The following CAPRIN1 variants were observed in gnomAD, a reference collection of about 807,000 sequenced individuals.
CAPRIN1 encodes the protein caprin-1.
CAPRIN1 carries 29 observed loss-of-function variants against 100.9 expected under a neutral mutation model. That is an observed-to-expected ratio of 0.29 (90% CI 0.21 to 0.39). The LOEUF is 0.39. Among genes scored for constraint, CAPRIN1 ranks in the 10% least tolerant of loss-of-function variants. The pLI, the probability that CAPRIN1 is intolerant of heterozygous loss-of-function variation, is 1.00. For synonymous variants in CAPRIN1, 338 were observed against 307.5 expected (o/e 1.10, Z -1.04); for missense variants, 795 against 876.7 (o/e 0.91, Z 1.18).
intron 15 of CAPRIN1, among the ~76,000 whole-genome samples, chr11:34,093,403 C>G (rs1851301632): frequency 1.3e-5 from 2 of 151,994 alleles, no homozygotes; most frequent in Admixed American, 6.6e-5. Context: ...CATGAGCCAC[C>G]ATGATGTCTT....
rs1377099163 is a variant in CAPRIN1 at position 34,079,643 on chromosome 11, A to C, written c.704A>C (p.Glu235Ala). 1.9e-6 allele frequency: 3 copies of C among 1,613,924 alleles called. No individual in the cohort carries two copies. The Admixed American group carries it at 5.0e-5, about 27-fold the overall frequency. The change falls in exon 7 of 19, where the codon GAA becomes GCA. Residue 235 changes from glutamate (E) to alanine (A), a missense_variant. This residue lies in a region of CAPRIN1 where 648 missense variants were observed against 697.9 expected (regional missense o/e 0.93). Transcript: ENST00000341394. ...TTTTTCTTAGATAAAGTTCTAAAGGAAATTGTTGAGCGTGTTTTTCAGTCA... is the reference window on the plus strand; with the variant it reads ...TTTTTCTTAGATAAAGTTCTAAAGGCAATTGTTGAGCGTGTTTTTCAGTCA... The part of the protein sequence containing the change: ...VCGTTYKVLK[E>A]IVERVFQSNY...
chr11:34,097,160 TAAG>T, intron 16 of CAPRIN1, 33 bp from the exon 17 acceptor site: 1 of 1,421,508 alleles, frequency 7.0e-7, no homozygotes, highest in Non-Finnish European at 9.9e-7. Flanking sequence ...CTTGTGAAGA[TAAG>T]AAAATTATTT....
At chr11:34,052,347 C>G in intron 1 of CAPRIN1, 74 bp from the exon 2 acceptor site, 1 of 1,223,612 alleles carries the variant, frequency 8.2e-7, no homozygotes. Flanking sequence ...TCCCGCGTCT[C>G]GCCCCGTCCG....
intron 1 of CAPRIN1, 21 bp from the exon 2 acceptor site, chr11:34,052,400 C>T (rs749334805): frequency 4.4e-6 from 7 of 1,597,302 alleles, no homozygotes; most frequent in East Asian, 4.5e-5. Context: ...GCTTTTTCTT[C>T]TCTCTCCTTG....
rs35440557 is a variant in CAPRIN1 at position 34,066,931 on chromosome 11, A to ATT, written c.217-4778_217-4777dup. 3.1e-3 allele frequency among the ~76,000 whole-genome samples: 411 copies of ATT among 130,894 alleles called. 5 individuals carry two copies. In the Middle Eastern group the frequency reaches 0.037, roughly 12 times the overall value. The allele number at this position is 130,894 out of a possible 152,430, so 85.9% of individuals were successfully genotyped here. A position where few individuals can be genotyped will look rare whatever the true frequency, so the allele number is the denominator to read the frequency against. On this transcript the variant is annotated intron_variant, in intron 2 of 18. Transcript: ENST00000341394. ...ACAGGCGTGAGCCATCACACCCAGC[A>ATT]TTTTTTTTTTTTTTTTTTAAGACAG... is the stretch of plus-strand genomic sequence containing the variant.
At chr11:34,099,114 G>T in intron 18 of CAPRIN1, 189 bp from the exon 19 acceptor site, 1 of 1,432,722 alleles carries the variant, frequency 7.0e-7, no homozygotes, top group South Asian at 1.5e-5. Context: ...TTAGCTAAGA[G>T]AACATGAGCA....
At position 34,090,638 on chromosome 11, in the gene CAPRIN1, G is replaced by C; in HGVS notation, c.1514G>C (p.Gly505Ala). ...ACAAGCAAACCTTTACATAGCAGTG[G>C]AATCAATGTAAATGCAGCTCCATTC... ...AGTSKPLHSS[G>A]INVNAAPFQS... is the part of the protein sequence containing the mutation. The change falls in exon 14 of 19, where the codon GGA becomes GCA. Residue 505 changes from glycine to alanine, a missense_variant. Physicochemically the swap from Gly to Ala is moderately conservative, Grantham distance 60. Transcript: ENST00000341394. 1 of 1,614,062 alleles carries C rather than the reference G, an allele frequency of 6.2e-7. No homozygotes were observed. Among genetic ancestry groups the C allele is most frequent in the Non-Finnish European group, 8.5e-7 (1 of 1,179,928 alleles).
chr11:34,082,990 C>T lies in CAPRIN1; in HGVS notation c.915C>T (p.Phe305=). Reference sequence around the variant, plus strand: ...GACAGTTCATGGCAGAAACACAGTTCACCAGTGGTGAAAAGGAGCAGGTAG... The same window carrying T: ...GACAGTTCATGGCAGAAACACAGTTTACCAGTGGTGAAAAGGAGCAGGTAG... The part of the protein sequence containing the change: ...VNRQFMAETQ[F]TSGEKEQVDE... Residue 305 remains phenylalanine (F), a synonymous_variant, in exon 9 of 19, where the codon TTC becomes TTT. Transcript: ENST00000341394. The T allele has an allele frequency of 6.2e-7, 1 of 1,614,090 alleles. No homozygotes were observed. The highest frequency in any genetic ancestry group is 1.1e-5 in the South Asian group (1 of 91,082).
At chr11:34,085,851 A>G (rs572046953) in intron 9 of CAPRIN1, among the ~76,000 whole-genome samples, 3 of 152,314 alleles carry the variant, frequency 2.0e-5, no homozygotes, top group African/African-American at 7.2e-5. Flanking sequence ...GAAATGCTAC[A>G]TAGTGGTCTT....
intron 2 of CAPRIN1, chr11:34,063,116 G>A (rs1850615940): frequency 6.6e-6 from 1 of 152,126 alleles, no homozygotes; most frequent in South Asian, 2.1e-4. Flanking sequence ...GGCACCTACT[G>A]AACTTAATTT....
intron 7 of CAPRIN1, among the ~76,000 whole-genome samples, chr11:34,080,486 T>G (rs1474484984): frequency 6.6e-6 from 1 of 152,218 alleles, no homozygotes; most frequent in Non-Finnish European, 1.5e-5. Flanking sequence ...TTGTTTTGTT[T>G]TAATCATGGG....
chr11:34,086,851 C>G (rs559590092), intron 11 of CAPRIN1, among the ~76,000 whole-genome samples: 36 of 152,194 alleles, frequency 2.4e-4, no homozygotes, highest in Admixed American at 1.2e-3. Context: ...TTTTGCTTGG[C>G]TTTTAAAATT....
intron 7 of CAPRIN1, among the ~76,000 whole-genome samples, chr11:34,082,103 C>T (rs958788428): frequency 4.6e-5 from 7 of 152,114 alleles, no homozygotes; most frequent in East Asian, 1.9e-4. Context: ...TGAGCCAGCG[C>T]GCCTGGCCTA....
chr11:34,060,738 C>G (rs1469555231), intron 2 of CAPRIN1, among the ~76,000 whole-genome samples: 1 of 150,696 alleles, frequency 6.6e-6, no homozygotes, highest in Admixed American at 6.6e-5. Context: ...GCTCATGTAG[C>G]AGGAGTCTGT....
chr11:34,082,336 C>T (rs868719981), intron 7 of CAPRIN1, among the ~76,000 whole-genome samples: 5 of 151,644 alleles, frequency 3.3e-5, no homozygotes, highest in African/African-American at 7.3e-5. Flanking sequence ...TGCAGGCGTC[C>T]GCCACCATGC....
chr11:34,069,905 C>T (rs1850775784), intron 2 of CAPRIN1, among the ~76,000 whole-genome samples: 1 of 49,902 alleles, frequency 2.0e-5, no homozygotes, highest in Non-Finnish European at 4.1e-5. Flanking sequence ...GATCATTTGA[C>T]CTAAAAAAAA....
Position 34,052,281 on chromosome 11 carries a change from G to A in CAPRIN1, c.1-140G>A, listed in dbSNP as rs147460897. 5.0e-3 allele frequency: 3,535 copies of A among 701,000 alleles called. 13 individuals are homozygous for A. Among genetic ancestry groups the A allele is most frequent in the Non-Finnish European group, 7.1e-3 (3,018 of 426,948 alleles). The allele number at this position is 701,000 out of a possible 1,614,324, so 43.4% of individuals were successfully genotyped here. The stretch of plus-strand genomic sequence containing the variant: ...CGCGCACTCTTCCTGCCCTCGAGGC[G>A]CGCCGCGCCCCCTCCCCCACCCGCT... On this transcript the variant is annotated intron_variant, in intron 1 of 18. Transcript: ENST00000341394.
Position 34,098,537 on chromosome 11 carries a change from CAT to C in CAPRIN1, c.2066-765_2066-764del, listed in dbSNP as rs947000071. The C allele has an allele frequency of 2.3e-5, 23 of 985,302 alleles. No individual in the cohort carries two copies. The African/African-American group carries it at 4.0e-4, about 17-fold the overall frequency. The allele number at this position is 985,302 out of a possible 1,614,324, so 61.0% of individuals were successfully genotyped here. A position where few individuals can be genotyped will look rare whatever the true frequency, so the allele number is the denominator to read the frequency against. Reference sequence around the variant, plus strand: ...AACAGGTTTCCTCTATTGGCCATAACATGTATAAAATGTGTGTTAAGGAGGAA... The same window carrying C: ...AACAGGTTTCCTCTATTGGCCATAACGTATAAAATGTGTGTTAAGGAGGAA... On this transcript the variant is annotated intron_variant, in intron 18 of 18. Transcript: ENST00000341394.
At position 34,099,642 on chromosome 11, in the gene CAPRIN1, A is replaced by T; in HGVS notation, c.*275A>T. On this transcript the variant is annotated 3_prime_UTR_variant, in exon 19 of 19. Coordinates refer to ENST00000341394, the MANE Select transcript of CAPRIN1 (RefSeq NM_005898.5). Reference sequence around the variant, plus strand: ...CTCACCCTTGCTTAGGAGTAAAACAATATACTTTACAGGGTGATAATAATC... The same window carrying T: ...CTCACCCTTGCTTAGGAGTAAAACATTATACTTTACAGGGTGATAATAATC... The T allele has an allele frequency of 2.4e-6, 1 of 419,796 alleles. No individual in the cohort carries two copies. Among genetic ancestry groups the T allele is most frequent in the Non-Finnish European group, 4.3e-6 (1 of 233,948 alleles). 26.0% of individuals were successfully genotyped at this position (419,796 alleles called of 1,614,324 possible).
Sources: gnomAD v4.1 joint callset for allele counts (sites outside exome capture counted in the v4.1 genomes callset) on GRCh38, gnomAD v4.1.1 for gene constraint, gnomAD v4.1.1 regional missense constraint, MANE v1.5 for transcripts, NCBI Gene and HGNC (gene_info 2026-07-23, HGNC 2026-07-21) for gene names.